Variants in CASK observed in about 807,000 individuals in gnomAD.
CASK encodes the protein calcium/calmodulin dependent serine protein kinase.
Under a neutral mutation model 82.9 loss-of-function variants are expected in CASK, and 4 were observed. The ratio of observed to expected loss-of-function variants is 0.05; its 90% confidence interval spans 0.02 to 0.11. The LOEUF (loss-of-function observed/expected upper bound fraction) is 0.11. Among genes scored for constraint, CASK ranks in the 10% least tolerant of loss-of-function variants. The pLI is 1.00. For synonymous variants in CASK, 259 were observed against 253.5 expected, an observed-to-expected ratio of 1.02 and a Z score of -0.20; for missense variants, 358 against 720.9, an observed-to-expected ratio of 0.50 and a Z score of 5.76.
intron 25 of CASK, among the ~76,000 whole-genome samples, chrX:41,525,739 C>A (rs1487421458): frequency 1.8e-5 from 2 of 112,203 alleles, no homozygotes; most frequent in African/African-American, 6.5e-5. Flanking sequence ...GAGCACTCTA[C>A]TCTCTTGGCT....
chrX:41,549,326 T>C (rs200013250), intron 21 of CASK, among the ~76,000 whole-genome samples: 1 of 111,412 alleles, frequency 9.0e-6, no homozygotes, highest in Non-Finnish European at 1.9e-5. Flanking sequence ...CTGCCAGGAA[T>C]AGCTTCCTAT....
At chrX:41,587,967 C>G (rs2065682077) in intron 13 of CASK, 1 of 111,838 alleles carries the variant, frequency 8.9e-6, no homozygotes, top group Admixed American at 9.5e-5. Flanking sequence ...GGAGGACTCT[C>G]ACCTCAACCT....
intron 3 of CASK, among the ~76,000 whole-genome samples, chrX:41,770,163 T>C (rs2069196943): frequency 9.2e-6 from 1 of 109,064 alleles, no homozygotes; most frequent in African/African-American, 3.3e-5. Flanking sequence ...TATCAAACAA[T>C]GAAGCTTACT....
At chrX:41,819,320 A>G (rs1464623987) in intron 2 of CASK, among the ~76,000 whole-genome samples, 2 of 111,789 alleles carry the variant, frequency 1.8e-5, no homozygotes, top group Non-Finnish European at 3.8e-5. Flanking sequence ...TATAAGAAAT[A>G]TAATAAAGAT....
intron 5 of CASK, among the ~76,000 whole-genome samples, chrX:41,731,328 G>A (rs188168002): frequency 2.7e-5 from 3 of 112,107 alleles, no homozygotes; most frequent in Non-Finnish European, 3.8e-5. Flanking sequence ...GCTGAGGTGG[G>A]AGGATCTGTT....
At chrX:41,670,667 G>C (rs747648267) in intron 6 of CASK, among the ~76,000 whole-genome samples, 80 of 111,022 alleles carry the variant, frequency 7.2e-4, no homozygotes, top group Non-Finnish European at 1.1e-3. Flanking sequence ...AGGATCACTT[G>C]AGCCTGGAAG....
At chrX:41,703,574 C>T (rs764449497) in intron 5 of CASK, among the ~76,000 whole-genome samples, 1 of 112,441 alleles carries the variant, frequency 8.9e-6, no homozygotes, top group South Asian at 3.6e-4. Flanking sequence ...CATGAATAAA[C>T]AATGGTTCAT....
chrX:41,815,772 A>C (rs1375090011), intron 2 of CASK, among the ~76,000 whole-genome samples: 3 of 112,191 alleles, frequency 2.7e-5, no homozygotes, highest in Non-Finnish European at 5.6e-5. Context: ...CATAGATATA[A>C]GAAGCTCAAA....
intron 9 of CASK, among the ~76,000 whole-genome samples, chrX:41,631,672 T>C (rs1349110647): frequency 6.4e-5 from 7 of 109,770 alleles, no homozygotes; most frequent in African/African-American, 2.3e-4. Flanking sequence ...CGTTTCTCCA[T>C]GTTGGTCAGG....
At chrX:41,630,844 C>G (rs1407467835) in intron 9 of CASK, among the ~76,000 whole-genome samples, 1 of 111,365 alleles carries the variant, frequency 9.0e-6, no homozygotes, top group Non-Finnish European at 1.9e-5. Flanking sequence ...GACCAAAAGT[C>G]AAGAAAATCA....
chrX:41,695,336 G>A (rs2067663281), intron 5 of CASK, among the ~76,000 whole-genome samples: 2 of 95,277 alleles, frequency 2.1e-5, no homozygotes, highest in Non-Finnish European at 4.1e-5. Flanking sequence ...TTTTTAAAGA[G>A]ATGGGGTCTT....
chrX:41,812,552 A>G (rs1465152183), intron 2 of CASK, among the ~76,000 whole-genome samples: 1 of 111,704 alleles, frequency 9.0e-6, no homozygotes, highest in Non-Finnish European at 1.9e-5. Flanking sequence ...CCTTCATGCT[A>G]AAAACTCTCA....
At chrX:41,864,676 G>C (rs1436127185) in intron 1 of CASK, among the ~76,000 whole-genome samples, 1 of 111,740 alleles carries the variant, frequency 8.9e-6, no homozygotes, top group African/African-American at 3.3e-5. Context: ...TCTTATGGGG[G>C]GTAATCCAAT....
chrX:41,699,800 C>T (rs1442331821), intron 5 of CASK, among the ~76,000 whole-genome samples: 1 of 110,992 alleles, frequency 9.0e-6, no homozygotes, highest in Non-Finnish European at 1.9e-5. Context: ...TGATAACATG[C>T]CTTAGAGTAA....
In CASK at chrX:41,708,741, T is replaced by C. The variant is rs1036734949; in HGVS notation, c.429+30643A>G. 2.7e-5 allele frequency among the ~76,000 whole-genome samples: 3 copies of C among 112,225 alleles called. No individual in the cohort carries two copies. In the East Asian group the frequency reaches 8.4e-4, roughly 31 times the overall value. On this transcript the variant is annotated intron_variant, in intron 5 of 26. Coordinates refer to ENST00000378163, the MANE Select transcript of CASK (RefSeq NM_001367721.1). ...TGGGCAGTTTATGCGTCAGCAAAAG[T>C]GGTTTAACTAGGGCTGGTAATATAT... is the stretch of plus-strand genomic sequence containing the variant.
At chrX:41,856,908 G>A (rs1244804566) in intron 1 of CASK, among the ~76,000 whole-genome samples, 3 of 110,619 alleles carry the variant, frequency 2.7e-5, no homozygotes, top group African/African-American at 9.9e-5. Flanking sequence ...CATATACACT[G>A]AACGCAGACA....
At chrX:41,821,025 G>A (rs1186284718) in intron 2 of CASK, among the ~76,000 whole-genome samples, 1 of 110,960 alleles carries the variant, frequency 9.0e-6, no homozygotes, top group African/African-American at 3.3e-5. Flanking sequence ...TTTGACGTAG[G>A]TGAAATTTTC....
intron 12 of CASK, among the ~76,000 whole-genome samples, chrX:41,600,651 G>A (rs1181281763): frequency 1.8e-5 from 2 of 112,011 alleles, no homozygotes; most frequent in African/African-American, 6.5e-5. Flanking sequence ...AACAAATAAG[G>A]GAATTGGAGG....
At chrX:41,688,599 T>C (rs944765557) in intron 5 of CASK, among the ~76,000 whole-genome samples, 5 of 112,142 alleles carry the variant, frequency 4.5e-5, no homozygotes, top group African/African-American at 1.6e-4. Context: ...TATGCTAAAA[T>C]AATGTACAGA....
Sources: gnomAD v4.1 joint callset for allele counts (sites outside exome capture counted in the v4.1 genomes callset) on GRCh38, gnomAD v4.1.1 for gene constraint, MANE v1.5 for transcripts, NCBI Gene and HGNC (gene_info 2026-07-23, HGNC 2026-07-21) for gene names.